COL22A1: variants seen among roughly 807,000 people sequenced by gnomAD.
COL22A1 encodes the protein collagen alpha-1(XXII) chain.
COL22A1 carries 221 observed loss-of-function variants against 248.9 expected under a neutral mutation model. The observed-to-expected ratio is 0.89, with a 90% confidence interval of 0.80 to 0.99. COL22A1 has a LOEUF of 0.99. Ranked by LOEUF, COL22A1 falls within the 50% of genes least tolerant of loss-of-function variation. The pLI is 0.00. For missense variants in COL22A1, 2,240 were observed against 2,179.0 expected (o/e 1.03, Z -0.56); for synonymous variants, 891 against 793.4 (o/e 1.12, Z -2.07).
rs115738522 is a variant in COL22A1, at chr8:138,660,642, T to C, written c.3241-162A>G. On this transcript the variant is annotated intron_variant, in intron 43 of 64. Transcript: ENST00000303045. ...GGCACCAATAAAAATGCGTGGTTTC[T>C]AATCTCAGCTGAATACCCATGGCTT... Among the ~76,000 whole-genome samples the C allele has an allele frequency of 6.6e-3, 1,012 of 152,284 alleles. 7 individuals are homozygous for C. The highest frequency in any genetic ancestry group is 0.023 in the African/African-American group (960 of 41,558).
intron 52 of COL22A1, 80 bp from the exon 53 acceptor site, chr8:138,619,588 C>A: frequency 7.4e-7 from 1 of 1,356,012 alleles, no homozygotes; most frequent in African/African-American, 1.4e-5. Context: ...TGTTTCCTAC[C>A]AATCTATTCC....
chr8:138,786,364 C>A (rs575638179), intron 12 of COL22A1, among the ~76,000 whole-genome samples: 34 of 152,134 alleles, frequency 2.2e-4, no homozygotes, highest in Non-Finnish European at 4.7e-4. Flanking sequence ...GTCAGCACTG[C>A]AAATACATAG....
At chr8:138,652,680 T>C (rs1478085628) in intron 45 of COL22A1, among the ~76,000 whole-genome samples, 1 of 151,308 alleles carries the variant, frequency 6.6e-6, no homozygotes, top group Non-Finnish European at 1.5e-5. Flanking sequence ...TAATGTTCTT[T>C]CCCTCTAGTC....
chr8:138,672,611 T>C (rs1016734119), intron 41 of COL22A1, among the ~76,000 whole-genome samples: 5 of 152,152 alleles, frequency 3.3e-5, no homozygotes, highest in South Asian at 2.1e-4. Flanking sequence ...GTACAACTAA[T>C]TCCAGGGAGG....
intron 41 of COL22A1, among the ~76,000 whole-genome samples, chr8:138,670,198 T>C (rs1824895199): frequency 6.6e-6 from 1 of 152,184 alleles, no homozygotes; most frequent in African/African-American, 2.4e-5. Flanking sequence ...TCTGAGACTT[T>C]ATATAAAAAC....
chr8:138,900,648 G>A (rs1814478837), intron 1 of COL22A1, among the ~76,000 whole-genome samples: 1 of 152,146 alleles, frequency 6.6e-6, no homozygotes. Flanking sequence ...GGCTCCAAGT[G>A]ACTTGAATGG....
chr8:138,834,496 T>C (rs1820287825), intron 4 of COL22A1, among the ~76,000 whole-genome samples: 1 of 152,160 alleles, frequency 6.6e-6, no homozygotes, highest in African/African-American at 2.4e-5. Context: ...GTGTAAGAAA[T>C]GTCAGGGAGG....
At chr8:138,598,583 A>G (rs1817736613) in intron 61 of COL22A1, 136 bp downstream of exon 61, 1 of 775,242 alleles carries the variant, frequency 1.3e-6, no homozygotes, top group Non-Finnish European at 2.1e-6. Flanking sequence ...GAGGAAAAGT[A>G]GCCTGCCCCA....
chr8:138,907,697 T>C (rs999830451), intron 1 of COL22A1, among the ~76,000 whole-genome samples: 1 of 152,180 alleles, frequency 6.6e-6, no homozygotes, highest in Admixed American at 6.5e-5. Flanking sequence ...TGCATTTGCC[T>C]CACAGCGCTA....
chr8:138,631,063 G>C (rs188283265), intron 49 of COL22A1, among the ~76,000 whole-genome samples: 213 of 152,254 alleles, frequency 1.4e-3, no homozygotes, highest in African/African-American at 3.8e-3. Context: ...CTTGCCATGT[G>C]ACACACCTGG....
intron 7 of COL22A1, among the ~76,000 whole-genome samples, chr8:138,816,940 G>C (rs1290795465): frequency 6.6e-6 from 1 of 152,140 alleles, no homozygotes; most frequent in East Asian, 1.9e-4. Context: ...ATTCTCTATT[G>C]CCTCTAACCC....
At chr8:138,725,849 G>A (rs908851813) in intron 23 of COL22A1, among the ~76,000 whole-genome samples, 10 of 152,152 alleles carry the variant, frequency 6.6e-5, no homozygotes, top group Admixed American at 6.5e-4. Context: ...TCTCAATCAT[G>A]AGTCATTGAG....
intron 44 of COL22A1, 77 bp downstream of exon 44, chr8:138,660,359 T>C (rs4072506): frequency 0.87 from 1,130,731 of 1,301,640 alleles, 495,064 homozygotes; most frequent in Non-Finnish European, 0.9. Context: ...CCTCTTGAAC[T>C]TTCTGAGTTG....
Position 138,751,505 on chromosome 8 carries a change from T to A in COL22A1, c.2038A>T (p.Ile680Leu), listed in dbSNP as rs1370763684. The A allele has an allele frequency of 3.7e-6, 6 of 1,611,380 alleles. No homozygotes were observed. The highest frequency in any genetic ancestry group is 5.1e-6 in the Non-Finnish European group (6 of 1,178,352). ...GGTCCATCCCTGCCTTCTGGGCCTATTGGACCCTTTAGGAGGGAGAAAAAG... is the reference window on the plus strand; with the variant it reads ...GGTCCATCCCTGCCTTCTGGGCCTAATGGACCCTTTAGGAGGGAGAAAAAG... ...APGPPGARGP[I>L]GPEGRDGPPG... The change falls in exon 22 of 65, where the codon ATA (isoleucine) becomes TTA (leucine). Residue 680 changes from isoleucine to leucine, a missense_variant. Physicochemically the swap from Ile to Leu is conservative, Grantham distance 5 (BLOSUM62 2). Coordinates refer to ENST00000303045, the MANE Select transcript of COL22A1 (RefSeq NM_152888.3).
At chr8:138,605,450 G>A (rs531749162) in intron 58 of COL22A1, among the ~76,000 whole-genome samples, 140 of 152,270 alleles carry the variant, frequency 9.2e-4, no homozygotes, top group Non-Finnish European at 1.8e-3. Context: ...GATGGAGAAG[G>A]AGACTTGGCC....
At chr8:138,760,210 C>T (rs1833347223) in intron 18 of COL22A1, 33 bp downstream of exon 18, 2 of 1,539,716 alleles carry the variant, frequency 1.3e-6, no homozygotes, top group Non-Finnish European at 8.8e-7. Context: ...CTGCCCAGGG[C>T]ACAGAGCCCT....
intron 41 of COL22A1, among the ~76,000 whole-genome samples, chr8:138,666,386 A>G (rs1226293953): frequency 2.0e-5 from 3 of 152,220 alleles, no homozygotes; most frequent in Admixed American, 6.5e-5. Flanking sequence ...CTCTCACTTT[A>G]ACCCCAATCA....
At chr8:138,790,197 G>A (rs1815901854) in intron 12 of COL22A1, among the ~76,000 whole-genome samples, 1 of 152,160 alleles carries the variant, frequency 6.6e-6, no homozygotes, top group Non-Finnish European at 1.5e-5. Flanking sequence ...GTCAGGTGAA[G>A]GCCTGCTTTT....
intron 30 of COL22A1, among the ~76,000 whole-genome samples, chr8:138,707,933 CAA>C (rs1828615124): frequency 2.0e-5 from 3 of 152,194 alleles, no homozygotes. Flanking sequence ...GCAACTTCAG[CAA>C]AGTCTCAGGA....
Sources: gnomAD v4.1 joint callset for allele counts (sites outside exome capture counted in the v4.1 genomes callset) on GRCh38, gnomAD v4.1.1 for gene constraint, MANE v1.5 for transcripts, NCBI Gene and HGNC (gene_info 2026-07-23, HGNC 2026-07-21) for gene names.